IQSEC2: variants seen among roughly 807,000 people sequenced by gnomAD.
The protein encoded by IQSEC2 is IQ motif and SEC7 domain-containing protein 2.
IQSEC2 carries 6 observed loss-of-function variants against 74.6 expected under a neutral mutation model. The ratio of observed to expected loss-of-function variants is 0.08; its 90% CI spans 0.04 to 0.16. IQSEC2 has a LOEUF of 0.16. Ranked by LOEUF, IQSEC2 falls within the 10% of genes least tolerant of loss-of-function variation. The pLI is 1.00. For missense variants in IQSEC2, 734 were observed against 1,306.2 expected, an observed-to-expected ratio of 0.56 and a Z score of 6.75; for synonymous variants, 494 against 544.5, an observed-to-expected ratio of 0.91 and a Z score of 1.29.
At chrX:53,316,408 C>G (rs1315444770) in intron 1 of IQSEC2, among the ~76,000 whole-genome samples, 1 of 111,514 alleles carries the variant, frequency 9.0e-6, no homozygotes, top group African/African-American at 3.3e-5. Flanking sequence ...AGAGACTTCC[C>G]TGAGCCTCTC....
In IQSEC2 at chrX:53,268,589, T is replaced by C. The variant is rs782313744; in HGVS notation, c.738-12528A>G. ...GCGAGGCCCCTGCTTCCTCTCCCCC[T>C]AACACTGCAGTCACCTCCTGATTTC... On this transcript the variant is annotated intron_variant, in intron 2 of 14. Coordinates refer to ENST00000642864, the MANE Select transcript of IQSEC2 (RefSeq NM_001111125.3). 4.5e-5 allele frequency among the ~76,000 whole-genome samples: 5 copies of C among 111,427 alleles called. 1 individual carries two copies. The highest frequency in any genetic ancestry group is 6.5e-5 in the African/African-American group (2 of 30,621).
At chrX:53,254,506 A>C in intron 4 of IQSEC2, 24 bp downstream of exon 4, 6 of 1,185,931 alleles carry the variant, frequency 5.1e-6, no homozygotes, top group Non-Finnish European at 6.8e-6. Context: ...ATGGGGAAGA[A>C]AGGTCCTTTT....
intron 4 of IQSEC2, among the ~76,000 whole-genome samples, chrX:53,254,088 C>T (rs2074429434): frequency 9.0e-6 from 1 of 111,681 alleles, no homozygotes; most frequent in Non-Finnish European, 1.9e-5. Flanking sequence ...CTCAGCACTT[C>T]CGGAGGTGAT....
intron 7 of IQSEC2, among the ~76,000 whole-genome samples, chrX:53,247,381 T>A (rs1556862279): frequency 8.9e-6 from 1 of 112,350 alleles, no homozygotes; most frequent in East Asian, 2.8e-4. Context: ...GCAAGGTAGC[T>A]ATTGGCAGTC....
chrX:53,232,874 G>A (rs1198159411), downstream of IQSEC2: 5 of 112,457 alleles, frequency 4.4e-5, 1 homozygote, highest in Non-Finnish European at 1.9e-5. Flanking sequence ...AGAGGCAGGA[G>A]GTGAGCACAA....
chrX:53,257,159 G>A (rs1030778231), intron 2 of IQSEC2, among the ~76,000 whole-genome samples: 1 of 111,888 alleles, frequency 8.9e-6, no homozygotes, highest in Non-Finnish European at 1.9e-5. Context: ...CAAGGTTGGA[G>A]GCTCTTGGCT....
intron 2 of IQSEC2, among the ~76,000 whole-genome samples, chrX:53,289,436 C>A (rs1157392275): frequency 1.8e-5 from 2 of 110,858 alleles, no homozygotes; most frequent in Non-Finnish European, 3.8e-5. Flanking sequence ...CTATTTTAGC[C>A]CCACGGATGG....
In IQSEC2 at chrX:53,238,369, A is replaced by T. The variant is rs2074167992; in HGVS notation, c.3116-63T>A. The T allele has an allele frequency of 8.2e-6, 9 of 1,099,394 alleles. No homozygotes were observed. In the Admixed American group the frequency reaches 2.0e-4, roughly 24 times the overall value. 90.6% of individuals were successfully genotyped at this position (1,099,394 alleles called of 1,213,427 possible). ...CTGGTGCAAGGTGGCTCATACATAA[A>T]ATAATTTTTCTTTTCTGCTCTTTTT... On this transcript the variant is annotated intron_variant, in intron 11 of 14. Coordinates refer to ENST00000642864, the MANE Select transcript of IQSEC2 (RefSeq NM_001111125.3).
chrX:53,282,900 T>C (rs1310340154), intron 2 of IQSEC2, among the ~76,000 whole-genome samples: 2 of 111,141 alleles, frequency 1.8e-5, no homozygotes, highest in African/African-American at 3.3e-5. Context: ...CCGAGAGACA[T>C]TAAGTGTAGT....
At chrX:53,266,630 A>C in intron 2 of IQSEC2, 1 of 822,224 alleles carries the variant, frequency 1.2e-6, no homozygotes, top group Non-Finnish European at 1.5e-6. Flanking sequence ...CCTCTCCAGT[A>C]GTGGCAGGCT....
At chrX:53,258,938 C>T (rs1354440342) in intron 2 of IQSEC2, among the ~76,000 whole-genome samples, 1 of 111,331 alleles carries the variant, frequency 9.0e-6, no homozygotes, top group Non-Finnish European at 1.9e-5. Context: ...TGCCTGTAAT[C>T]CCAGCACTTT....
rs2074093822 is a variant in IQSEC2, at chrX:53,234,423, G to A, written c.4263C>T (p.Pro1421=). 2.0e-6 allele frequency: 2 copies of A among 1,015,830 alleles called. No homozygotes were observed. The highest frequency in any genetic ancestry group is 4.4e-5 in the Admixed American group (1 of 22,850). 83.7% of individuals were successfully genotyped at this position (1,015,830 alleles called of 1,213,427 possible). ...GTGAGTGTGGTGACAATGGTGACTG[G>A]GGGTGGTGGGGGTGGGAGTAGGAGC... ...PGGSYSHPHH[P]QSPLSPHSPI... The change falls in exon 15 of 15, where the codon CCC becomes CCT. Residue 1421 remains proline (P), a synonymous_variant. Coordinates refer to ENST00000642864, the MANE Select transcript of IQSEC2 (RefSeq NM_001111125.3).
chrX:53,234,547 G>C lies in IQSEC2; in HGVS notation c.4139C>G (p.Ala1380Gly). 9.0e-7 allele frequency: 1 copy of C among 1,107,210 alleles called. No homozygotes were observed. The highest frequency in any genetic ancestry group is 1.2e-6 in the Non-Finnish European group (1 of 841,536). The allele number at this position is 1,107,210 out of a possible 1,213,427, so 91.2% of individuals were successfully genotyped here. ...GAAGTGCTTAGGGCCCTGTTTGTGG[G>C]CTGGAGGGTGCTGGGGGGCAGGACT... ...LYSPAPQHPP[A>G]HKQGPKHFIF... Residue 1380 changes from alanine to glycine, a missense_variant, in exon 15 of 15, where the codon GCC becomes GGC. Physicochemically the swap from Ala to Gly is moderately conservative, Grantham distance 60. Around this residue, in one of 12 missense-constraint regions of IQSEC2, gnomAD observed 249 missense variants for 467.9 expected, o/e 0.53. Coordinates refer to ENST00000642864, the MANE Select transcript of IQSEC2 (RefSeq NM_001111125.3).
chrX:53,229,526 C>T (rs2074055337), downstream of IQSEC2: 1 of 109,385 alleles, frequency 9.1e-6, no homozygotes, highest in East Asian at 2.9e-4. Flanking sequence ...CCTAGCAAGA[C>T]CTCCATCTCT....
intron 1 of IQSEC2, among the ~76,000 whole-genome samples, chrX:53,309,687 C>T (rs782181779): frequency 5.3e-5 from 6 of 112,417 alleles, no homozygotes; most frequent in African/African-American, 1.9e-4. Context: ...CCTCTTCAGC[C>T]TTACTTTCAT....
At position 53,252,033 on chromosome X, in the gene IQSEC2, C is replaced by G. The variant is rs191780621; in HGVS notation, c.1402-859G>C. Among the ~76,000 whole-genome samples the G allele has an allele frequency of 7.2e-4, 81 of 112,619 alleles. 1 individual carries two copies. Among genetic ancestry groups the G allele is most frequent in the African/African-American group, 2.5e-3 (77 of 31,064 alleles). On this transcript the variant is annotated intron_variant, in intron 4 of 14. Coordinates refer to ENST00000642864, the MANE Select transcript of IQSEC2 (RefSeq NM_001111125.3). ...TATGATCACGCCACTACACTCCAGC[C>G]TGGCAACAGAGCAAGATACTGTCTC... is the stretch of plus-strand genomic sequence containing the variant.
chrX:53,302,065 G>A (rs2075216018), intron 1 of IQSEC2, among the ~76,000 whole-genome samples: 1 of 111,904 alleles, frequency 8.9e-6, no homozygotes, highest in Non-Finnish European at 1.9e-5. Flanking sequence ...CAATGTAATG[G>A]AGATAATAAT....
At chrX:53,297,900 T>C (rs782643898) in intron 1 of IQSEC2, among the ~76,000 whole-genome samples, 1 of 110,919 alleles carries the variant, frequency 9.0e-6, no homozygotes, top group East Asian at 2.9e-4. Context: ...GAGGCCGAGG[T>C]GGGCAGATCA....
chrX:53,275,916 T>C (rs1277995319), intron 2 of IQSEC2, among the ~76,000 whole-genome samples: 4 of 107,254 alleles, frequency 3.7e-5, no homozygotes, highest in Non-Finnish European at 7.7e-5. Flanking sequence ...TTAGCCAGGA[T>C]AGTCTCGATC....
Sources: allele counts gnomAD v4.1 joint callset (sites outside exome capture counted in the v4.1 genomes callset), GRCh38; gene constraint gnomAD v4.1.1; regional missense constraint gnomAD v4.1.1; transcripts MANE v1.5; gene names NCBI Gene and HGNC (gene_info 2026-07-23, HGNC 2026-07-21).